The following ESRRG variants were observed in gnomAD, a reference collection of about 807,000 sequenced individuals.
ESRRG encodes the protein estrogen related receptor gamma.
ESRRG carries 13 observed loss-of-function variants against 44.0 expected under a neutral mutation model. That is an observed-to-expected ratio of 0.30 (90% CI 0.19 to 0.47). ESRRG has a LOEUF of 0.47. Ranked by LOEUF, ESRRG falls within the 20% of genes least tolerant of loss-of-function variation. The probability of loss-of-function intolerance (pLI) is 1.00; values close to 1 mark genes in which losing one functional copy is unlikely to be tolerated. For synonymous variants in ESRRG, 215 were observed against 214.6 expected (o/e 1.00, Z -0.02); for missense variants, 395 against 580.6 (o/e 0.68, Z 3.29).
intron 1 of ESRRG, among the ~76,000 whole-genome samples, chr1:217,112,679 G>C (rs967900590): frequency 1.3e-5 from 2 of 152,148 alleles, no homozygotes; most frequent in African/African-American, 4.8e-5. Context: ...GGATTTGCTA[G>C]GTTTCAAAAT....
intron 1 of ESRRG, among the ~76,000 whole-genome samples, chr1:217,037,344 CA>C (rs778500687): frequency 6.6e-6 from 1 of 152,122 alleles, no homozygotes; most frequent in South Asian, 2.1e-4. Flanking sequence ...TTCCACATGG[CA>C]GGGGAGGTTT....
chr1:216,636,244 A>G (rs1387826024), intron 3 of ESRRG, among the ~76,000 whole-genome samples: 1 of 152,198 alleles, frequency 6.6e-6, no homozygotes, highest in Non-Finnish European at 1.5e-5. Flanking sequence ...TTCATTTTTC[A>G]ACTGTATTTA....
chr1:216,741,375 T>C (rs952510706), intron 2 of ESRRG, among the ~76,000 whole-genome samples: 1 of 151,242 alleles, frequency 6.6e-6, no homozygotes, highest in Non-Finnish European at 1.5e-5. Flanking sequence ...ACTACATGTG[T>C]GGACCCCTCA....
At chr1:216,709,565 C>G (rs1240953596) in intron 1 of ESRRG, among the ~76,000 whole-genome samples, 1 of 151,680 alleles carries the variant, frequency 6.6e-6, no homozygotes, top group Non-Finnish European at 1.5e-5. Context: ...TTTTGCCAAA[C>G]AAAATATTCA....
intron 1 of ESRRG, among the ~76,000 whole-genome samples, chr1:216,683,913 C>T (rs1184492462): frequency 1.3e-5 from 2 of 152,042 alleles, no homozygotes; most frequent in Non-Finnish European, 2.9e-5. Flanking sequence ...CGAGGTAAAC[C>T]AGGATGGTTT....
intron 1 of ESRRG, among the ~76,000 whole-genome samples, chr1:217,036,896 C>T (rs1558055445): frequency 1.3e-5 from 2 of 152,000 alleles, no homozygotes; most frequent in Non-Finnish European, 2.9e-5. Context: ...CAGCGTGACA[C>T]TTCCCTCAAG....
chr1:216,687,608 A>G (rs1440315138), intron 1 of ESRRG, among the ~76,000 whole-genome samples: 1 of 152,182 alleles, frequency 6.6e-6, no homozygotes, highest in African/African-American at 2.4e-5. Context: ...CAAGGGATCC[A>G]TGCAATTTGT....
At chr1:216,945,432 T>C (rs2065911886) in intron 1 of ESRRG, among the ~76,000 whole-genome samples, 1 of 152,168 alleles carries the variant, frequency 6.6e-6, no homozygotes, top group African/African-American at 2.4e-5. Context: ...CAGAATTTAT[T>C]AGTGTGCTTG....
intron 2 of ESRRG, among the ~76,000 whole-genome samples, chr1:216,800,350 T>A (rs1406017856): frequency 3.3e-5 from 5 of 151,758 alleles, no homozygotes; most frequent in African/African-American, 1.2e-4. Flanking sequence ...CACTGAAAAA[T>A]TTGCAAAAGC....
At chr1:217,015,672 G>C (rs756222002) in intron 1 of ESRRG, among the ~76,000 whole-genome samples, 1 of 151,570 alleles carries the variant, frequency 6.6e-6, no homozygotes, top group African/African-American at 2.4e-5. Context: ...GGCAAGCATG[G>C]TTTGATATTT....
chr1:216,946,339 G>A (rs367756448), intron 1 of ESRRG, among the ~76,000 whole-genome samples: 3 of 152,068 alleles, frequency 2.0e-5, no homozygotes, highest in Admixed American at 6.6e-5. Flanking sequence ...TCATCGGTTC[G>A]AGAGGTGCTA....
At chr1:216,964,529 A>C (rs2069818816) in intron 1 of ESRRG, among the ~76,000 whole-genome samples, 1 of 152,130 alleles carries the variant, frequency 6.6e-6, no homozygotes, top group Non-Finnish European at 1.5e-5. Flanking sequence ...GCAGTATATG[A>C]TGGAATATGC....
chr1:216,662,755 G>C (rs1324570459), intron 2 of ESRRG, among the ~76,000 whole-genome samples: 1 of 152,116 alleles, frequency 6.6e-6, no homozygotes, highest in Non-Finnish European at 1.5e-5. Flanking sequence ...TTTTTTGAAA[G>C]GGCCAGATTG....
intron 1 of ESRRG, among the ~76,000 whole-genome samples, chr1:217,057,874 T>C (rs1011689791): frequency 6.6e-6 from 1 of 152,164 alleles, no homozygotes; most frequent in African/African-American, 2.4e-5. Context: ...ATTTTATGTG[T>C]GGCCCAAGAT....
chr1:216,774,124 A>G (rs928386707), intron 2 of ESRRG, among the ~76,000 whole-genome samples: 2 of 152,182 alleles, frequency 1.3e-5, no homozygotes, highest in African/African-American at 4.8e-5. Flanking sequence ...GAACCCAAAC[A>G]TGGACTTCTT....
intron 2 of ESRRG, among the ~76,000 whole-genome samples, chr1:216,853,012 C>A (rs1000700857): frequency 6.6e-6 from 1 of 152,204 alleles, no homozygotes; most frequent in Non-Finnish European, 1.5e-5. Flanking sequence ...TAGCCTGCAT[C>A]TCTCAGCCTA....
At chr1:216,526,515 C>A (rs1374511424) in intron 5 of ESRRG, among the ~76,000 whole-genome samples, 1 of 152,136 alleles carries the variant, frequency 6.6e-6, no homozygotes, top group Non-Finnish European at 1.5e-5. Flanking sequence ...GCAGAGCCCG[C>A]AGAAGGAACC....
chr1:216,609,598 T>A (rs2060357323), intron 3 of ESRRG, among the ~76,000 whole-genome samples: 1 of 152,330 alleles, frequency 6.6e-6, no homozygotes, highest in African/African-American at 2.4e-5. Flanking sequence ...AAATGAAAAG[T>A]AGGATCCCTA....
At chr1:216,533,761 T>C (rs1057042732) in intron 5 of ESRRG, among the ~76,000 whole-genome samples, 8 of 152,164 alleles carry the variant, frequency 5.3e-5, no homozygotes, top group African/African-American at 1.7e-4. Context: ...GCATCCCTAA[T>C]GCTTTTAGGA....
Sources: allele counts gnomAD v4.1 joint callset (sites outside exome capture counted in the v4.1 genomes callset), GRCh38; gene constraint gnomAD v4.1.1; transcripts MANE v1.5; gene names NCBI Gene and HGNC (gene_info 2026-07-23, HGNC 2026-07-21).